Variants in DERL1 observed in about 807,000 individuals in gnomAD.
The protein encoded by DERL1 is derlin-1.
Under a neutral mutation model 41.6 loss-of-function variants are expected in DERL1, and 24 were observed. The ratio of observed to expected loss-of-function variants is 0.58; its 90% confidence interval spans 0.42 to 0.81. The LOEUF is 0.81. Among genes scored for constraint, DERL1 ranks in the 30% least tolerant of loss-of-function variants. The pLI is 0.00. For synonymous variants in DERL1, 124 were observed against 112.5 expected, an observed-to-expected ratio of 1.10 and a Z score of -0.65; for missense variants, 260 against 314.3, an observed-to-expected ratio of 0.83 and a Z score of 1.31.
chr8:123,039,533 T>C (rs1458336715), intron 1 of DERL1, among the ~76,000 whole-genome samples: 1 of 152,180 alleles, frequency 6.6e-6, no homozygotes, highest in East Asian at 1.9e-4. Flanking sequence ...TTCTGAGCCT[T>C]TCACTTACTA....
intron 1 of DERL1, among the ~76,000 whole-genome samples, chr8:123,035,570 G>A (rs770187130): frequency 7.2e-5 from 11 of 152,192 alleles, no homozygotes; most frequent in Admixed American, 1.3e-4. Context: ...CACTTACTGA[G>A]AGGACTCGTG....
At chr8:123,035,791 C>G (rs1208626693) in intron 1 of DERL1, among the ~76,000 whole-genome samples, 1 of 152,108 alleles carries the variant, frequency 6.6e-6, no homozygotes, top group Non-Finnish European at 1.5e-5. Flanking sequence ...TAGGTTGCAG[C>G]CATCCTTTAG....
intron 6 of DERL1, among the ~76,000 whole-genome samples, chr8:123,021,149 C>A (rs1814754038): frequency 6.6e-6 from 1 of 152,092 alleles, no homozygotes; most frequent in Admixed American, 6.6e-5. Flanking sequence ...AAAATTAGGT[C>A]TCTGTTTGCC....
rs562972343 is a variant in DERL1 at position 123,039,698 on chromosome 8, C to T, written c.153+2272G>A. ...CCCCTTAAAACACGTGCCTCTATGT[C>T]TTCACAGGCTCTGAAACCTTTTCAG... On this transcript the variant is annotated intron_variant, in intron 1 of 7. Coordinates refer to ENST00000259512, the MANE Select transcript of DERL1 (RefSeq NM_024295.6). 3.3e-5 allele frequency among the ~76,000 whole-genome samples: 5 copies of T among 152,278 alleles called. No homozygotes were observed. The South Asian group carries it at 1.0e-3, about 32-fold the overall frequency.
intron 2 of DERL1, among the ~76,000 whole-genome samples, chr8:123,028,833 A>G (rs2130480121): frequency 6.6e-6 from 1 of 152,246 alleles, no homozygotes; most frequent in Admixed American, 6.5e-5. Context: ...TTGGGAGGTC[A>G]AGGTGGGCAA....
intron 5 of DERL1, 95 bp from the exon 6 acceptor site, chr8:123,021,594 G>A (rs886550819): frequency 1.1e-5 from 12 of 1,102,790 alleles, no homozygotes; most frequent in African/African-American, 3.1e-5. Flanking sequence ...ACACTGACAA[G>A]GGCTTTATAT....
chr8:123,041,980 T>C lies in DERL1; in HGVS notation c.143A>G (p.Tyr48Cys). ...YLFLWPEAFL[Y>C]RFQIWRPITA... is the part of the protein sequence containing the mutation. ...GTCTCCGGTAAGTACCTGAAAGCGA[T>C]AAAGGAAGGCTTCGGGCCAGAGGAA... The change falls in exon 1 of 8, where the codon TAT becomes TGT. Residue 48 changes from tyrosine (Y) to cysteine (C), a missense_variant. Transcript: ENST00000259512. The C allele has an allele frequency of 6.2e-7, 1 of 1,611,496 alleles. No homozygotes were observed. Among genetic ancestry groups the C allele is most frequent in the African/African-American group, 1.3e-5 (1 of 75,000 alleles).
rs566765886 is a variant in DERL1, at chr8:123,042,105, G to T, written c.18C>A (p.Asp6Glu). The T allele has an allele frequency of 2.0e-5, 33 of 1,610,040 alleles. No homozygotes were observed. In the East Asian group the frequency reaches 7.4e-4, roughly 36 times the overall value. Residue 6 changes from aspartate to glutamate, a missense_variant, in exon 1 of 8, where the codon GAC (aspartate) becomes GAA (glutamate). By Grantham distance (45) the Asp-to-Glu change is conservative. Coordinates refer to ENST00000259512, the MANE Select transcript of DERL1 (RefSeq NM_024295.6). ...TGATCGCCGGGATGCTCCTGAACCA[G>T]TCTCCGATGTCCGACATCTTCGACC... MSDIG[D>E]WFRSIPAITR...
At chr8:123,027,942 ATC>A (rs1812739881) in intron 2 of DERL1, among the ~76,000 whole-genome samples, 1 of 152,022 alleles carries the variant, frequency 6.6e-6, no homozygotes, top group Non-Finnish European at 1.5e-5. Context: ...TGCACCTGTA[ATC>A]CCAGCTACTC....
intron 1 of DERL1, among the ~76,000 whole-genome samples, chr8:123,040,945 T>C (rs946827998): frequency 1.3e-5 from 2 of 152,166 alleles, no homozygotes; most frequent in African/African-American, 4.8e-5. Flanking sequence ...GATGCACAAA[T>C]CTGGAAATAG....
At chr8:123,021,700 G>T (rs1431961037) in intron 5 of DERL1, among the ~76,000 whole-genome samples, 2 of 152,110 alleles carry the variant, frequency 1.3e-5, no homozygotes, top group African/African-American at 2.4e-5. Flanking sequence ...ACTTAATTGT[G>T]TATTTGTAAC....
intron 1 of DERL1, among the ~76,000 whole-genome samples, chr8:123,035,330 C>T (rs1023572661): frequency 2.6e-5 from 4 of 152,202 alleles, no homozygotes; most frequent in Admixed American, 2.6e-4. Context: ...CAGAAGACAG[C>T]TTATCTCTTT....
chr8:123,019,724 A>G (rs1814707223), intron 6 of DERL1, among the ~76,000 whole-genome samples: 1 of 152,226 alleles, frequency 6.6e-6, no homozygotes, highest in South Asian at 2.1e-4. Context: ...AAGAGGAACA[A>G]TAAATGCCTG....
rs753038834 is a variant in DERL1 at position 123,042,030 on chromosome 8, G to C, written c.93C>G (p.Leu31=). The change falls in exon 1 of 8, where the codon CTC becomes CTG. Residue 31 remains leucine, a synonymous_variant. Coordinates refer to ENST00000259512, the MANE Select transcript of DERL1 (RefSeq NM_024295.6). The part of the protein sequence containing the change: ...ATVAVPLVGK[L]GLISPAYLFL... ...AGAGGTAGGCCGGGCTGATGAGGCC[G>C]AGTTTGCCGACCAAGGGCACGGCGA... 2 of 1,613,916 alleles carry C rather than the reference G, an allele frequency of 1.2e-6. No individual in the cohort carries two copies. The highest frequency in any genetic ancestry group is 1.7e-6 in the Non-Finnish European group (2 of 1,179,900).
rs948575070 is a variant in DERL1, at chr8:123,015,502, T to C, written c.701A>G (p.Asn234Ser). The change falls in exon 8 of 8, where the codon AAT (asparagine) becomes AGT (serine). Residue 234 changes from asparagine (N) to serine (S), a missense_variant. Coordinates refer to ENST00000259512, the MANE Select transcript of DERL1 (RefSeq NM_024295.6). ...CCAGTTGTGTCTCCCGCCTCCGCCA[T>C]TCTGATCAGCAGCTCGCCTCATGCT... ...PASMRRAADQNGGGGRHNWGQ... is the reference protein window; with the variant it reads ...PASMRRAADQSGGGGRHNWGQ... 4 of 1,613,532 alleles carry C rather than the reference T, an allele frequency of 2.5e-6. No individual in the cohort carries two copies. Among genetic ancestry groups the C allele is most frequent in the African/African-American group, 2.7e-5 (2 of 74,878 alleles).
In DERL1 at chr8:123,042,230, C is replaced by T; in HGVS notation, c.-108G>A. 7.3e-7 allele frequency: 1 copy of T among 1,360,762 alleles called. No homozygotes were observed. Among genetic ancestry groups the T allele is most frequent in the Non-Finnish European group, 9.6e-7 (1 of 1,043,272 alleles). 84.3% of individuals were successfully genotyped at this position (1,360,762 alleles called of 1,614,324 possible). A position where few individuals can be genotyped will look rare whatever the true frequency, so the allele number is the denominator to read the frequency against. ...TGTTAGGTGTCTAGGTGGAAGCCGC[C>T]GAAGCCGCGATGCAGAAGGCGGAGA... On this transcript the variant is annotated 5_prime_UTR_variant, in exon 1 of 8. Transcript: ENST00000259512.
intron 1 of DERL1, 30 bp from the exon 2 acceptor site, chr8:123,030,746 A>G: frequency 7.0e-7 from 1 of 1,438,194 alleles, no homozygotes; most frequent in South Asian, 1.2e-5. Flanking sequence ...CACAGCTGTT[A>G]GTTTCTGTAA....
At chr8:123,039,411 CT>C (rs1812997547) in intron 1 of DERL1, among the ~76,000 whole-genome samples, 1 of 152,224 alleles carries the variant, frequency 6.6e-6, no homozygotes, top group Non-Finnish European at 1.5e-5. Context: ...TCCATCTTAG[CT>C]TTACTACACC....
At chr8:123,018,336 T>C (rs1460008983) in intron 7 of DERL1, 1 of 152,202 alleles carries the variant, frequency 6.6e-6, no homozygotes, top group African/African-American at 2.4e-5. Context: ...ACACGACTAT[T>C]ACATGCTTCT....
Sources: gnomAD v4.1 joint callset for allele counts (sites outside exome capture counted in the v4.1 genomes callset) on GRCh38, gnomAD v4.1.1 for gene constraint, MANE v1.5 for transcripts, NCBI Gene and HGNC (gene_info 2026-07-23, HGNC 2026-07-21) for gene names.